The following CHODL variants were observed in gnomAD, a reference collection of about 807,000 sequenced individuals.
CHODL encodes the protein chondrolectin.
A neutral mutation model predicts 34.5 loss-of-function variants in CHODL; 29 were observed. That is an observed-to-expected ratio of 0.84 (90% confidence interval 0.63 to 1.15). The LOEUF (loss-of-function observed/expected upper bound fraction) is 1.15. CHODL is among the 50% of genes most tolerant of loss of function. The pLI, the probability that CHODL is intolerant of heterozygous loss-of-function variation, is 0.00. For missense variants in CHODL, 332 were observed against 332.5 expected, an observed-to-expected ratio of 1.00 and a Z score of 0.01; for synonymous variants, 125 against 116.1, an observed-to-expected ratio of 1.08 and a Z score of -0.49.
At chr21:18,191,644 G>A (rs547788244) in intron 2 of CHODL, among the ~76,000 whole-genome samples, 12 of 152,106 alleles carry the variant, frequency 7.9e-5, no homozygotes, top group East Asian at 1.9e-4. Flanking sequence ...TTTTCATCAC[G>A]TTGTTAGATT....
chr21:18,121,759 ACT>A (rs1215285239), intron 2 of CHODL, among the ~76,000 whole-genome samples: 1 of 151,812 alleles, frequency 6.6e-6, no homozygotes, highest in Non-Finnish European at 1.5e-5. Flanking sequence ...CCTGTTTTTA[ACT>A]CTCTAACCAC....
At chr21:18,046,139 G>A (rs890318112) in intron 2 of CHODL, among the ~76,000 whole-genome samples, 3 of 151,950 alleles carry the variant, frequency 2.0e-5, no homozygotes, top group Admixed American at 2.0e-4. Context: ...AAGATAAAGT[G>A]AGAAGGTGGA....
intron 2 of CHODL, among the ~76,000 whole-genome samples, chr21:18,145,732 C>T (rs2072876977): frequency 6.6e-6 from 1 of 152,066 alleles, no homozygotes; most frequent in African/African-American, 2.4e-5. Context: ...GAGAATATGG[C>T]TTGAGTTTGT....
At chr21:17,966,949 G>A (rs1222131221) in intron 1 of CHODL, among the ~76,000 whole-genome samples, 1 of 151,212 alleles carries the variant, frequency 6.6e-6, no homozygotes, top group Non-Finnish European at 1.5e-5. Context: ...GCAGTGGCGC[G>A]ATCTTGGCTC....
At chr21:18,248,879 A>C (rs1346645951) in intron 1 of CHODL, among the ~76,000 whole-genome samples, 36 of 118,512 alleles carry the variant, frequency 3.0e-4, no homozygotes, top group Non-Finnish European at 5.0e-4. Flanking sequence ...ATATATATGT[A>C]TTGTACCTAT....
chr21:17,918,400 G>A (rs891338220), intron 1 of CHODL, among the ~76,000 whole-genome samples: 11 of 151,916 alleles, frequency 7.2e-5, no homozygotes, highest in Non-Finnish European at 1.0e-4. Context: ...TTCACATGGC[G>A]GGGGGTTGAG....
chr21:18,237,170 G>T (rs546973212), intron 2 of CHODL, among the ~76,000 whole-genome samples: 1 of 152,178 alleles, frequency 6.6e-6, no homozygotes, highest in South Asian at 2.1e-4. Flanking sequence ...TTAGTACTTT[G>T]TCAGGCAACA....
At chr21:18,201,414 C>T (rs2146709003) in intron 2 of CHODL, among the ~76,000 whole-genome samples, 1 of 151,988 alleles carries the variant, frequency 6.6e-6, no homozygotes, top group East Asian at 1.9e-4. Flanking sequence ...TATATTTAAA[C>T]TCAGTTCCCA....
In CHODL at chr21:17,963,767, A is replaced by C. The variant is rs186311077; in HGVS notation, c.-145+46367A>C. 2.5e-3 allele frequency among the ~76,000 whole-genome samples: 379 copies of C among 152,136 alleles called. 1 individual carries two copies. Among genetic ancestry groups the C allele is most frequent in the African/African-American group, 8.7e-3 (362 of 41,490 alleles). On this transcript the variant is annotated intron_variant, in intron 1 of 6. Coordinates refer to the CHODL transcript ENST00000400127. ...GCCATTGGTTTCTGTATCTTTTTAA[A>C]GCTTCTCTCTATTATCTAGCTGAAG...
intron 1 of CHODL, among the ~76,000 whole-genome samples, chr21:17,996,217 C>T (rs144256105): frequency 6.6e-6 from 1 of 152,022 alleles, no homozygotes; most frequent in Non-Finnish European, 1.5e-5. Context: ...AGATCAAATA[C>T]CTCCTGTTGG....
At chr21:18,011,122 G>A (rs924291319) in intron 1 of CHODL, among the ~76,000 whole-genome samples, 3 of 152,118 alleles carry the variant, frequency 2.0e-5, no homozygotes, top group African/African-American at 7.2e-5. Flanking sequence ...CTGTACTGGG[G>A]CAAGTGTATG....
chr21:18,067,747 A>G (rs972096979), intron 2 of CHODL, among the ~76,000 whole-genome samples: 1 of 152,162 alleles, frequency 6.6e-6, no homozygotes, highest in East Asian at 1.9e-4. Context: ...ACTGGCAATC[A>G]TAGAGTGTTT....
intron 2 of CHODL, among the ~76,000 whole-genome samples, chr21:18,081,687 G>GA (rs34292856): frequency 0.036 from 2,978 of 83,594 alleles, 84 homozygotes; most frequent in African/African-American, 0.093. Context: ...ATCTCAAAAA[G>GA]AAAAAAAAAA....
At chr21:18,019,541 G>A (rs1183518594) in intron 1 of CHODL, among the ~76,000 whole-genome samples, 1 of 151,964 alleles carries the variant, frequency 6.6e-6, no homozygotes, top group East Asian at 1.9e-4. Flanking sequence ...ACCCTGATGT[G>A]ATTATTATAC....
At chr21:17,998,354 T>C (rs2063871626) in intron 1 of CHODL, among the ~76,000 whole-genome samples, 1 of 152,176 alleles carries the variant, frequency 6.6e-6, no homozygotes, top group African/African-American at 2.4e-5. Flanking sequence ...ATTTAGTGTC[T>C]GTGGCTTTTC....
chr21:18,261,608 A>T (rs1163525260), intron 4 of CHODL, among the ~76,000 whole-genome samples: 3 of 152,158 alleles, frequency 2.0e-5, no homozygotes, highest in African/African-American at 7.2e-5. Flanking sequence ...CAGAGGTTAC[A>T]GTGAGCCAAG....
At chr21:18,255,794 G>T (rs2074308313) in intron 1 of CHODL, among the ~76,000 whole-genome samples, 1 of 151,964 alleles carries the variant, frequency 6.6e-6, no homozygotes, top group Non-Finnish European at 1.5e-5. Context: ...TCTGTAAAAT[G>T]AGAGAAGACA....
At chr21:18,178,127 A>C (rs1359681496) in intron 2 of CHODL, among the ~76,000 whole-genome samples, 1 of 152,138 alleles carries the variant, frequency 6.6e-6, no homozygotes, top group Non-Finnish European at 1.5e-5. Flanking sequence ...CACCACTTTT[A>C]CAATATAATT....
chr21:18,106,501 C>CTTTTTTT (rs60995338), intron 2 of CHODL, among the ~76,000 whole-genome samples: 4 of 133,226 alleles, frequency 3.0e-5, no homozygotes, highest in Non-Finnish European at 4.6e-5. Context: ...TTTTCTTTTT[C>CTTTTTTT]TTTTTTTTTT....
Sources: gnomAD v4.1 joint callset for allele counts (sites outside exome capture counted in the v4.1 genomes callset) on GRCh38, gnomAD v4.1.1 for gene constraint, MANE v1.5 for transcripts, NCBI Gene and HGNC (gene_info 2026-07-23, HGNC 2026-07-21) for gene names.